The following PDE4D variants were observed in gnomAD, a reference collection of about 807,000 sequenced individuals.
PDE4D encodes the protein phosphodiesterase 4D, also known as 3',5'-cyclic-AMP phosphodiesterase 4D.
Under a neutral mutation model 87.4 loss-of-function variants are expected in PDE4D, and 24 were observed. The ratio of observed to expected loss-of-function variants is 0.27; its 90% CI spans 0.20 to 0.39. PDE4D has a LOEUF of 0.39. Among genes scored for constraint, PDE4D ranks in the 10% least tolerant of loss-of-function variants. The pLI, the probability that PDE4D is intolerant of heterozygous loss-of-function variation, is 1.00. For synonymous variants in PDE4D, 384 were observed against 383.2 expected (o/e 1.00, Z -0.02); for missense variants, 714 against 1,041.0 (o/e 0.69, Z 4.32).
chr5:59,180,588 T>G lies in PDE4D; in HGVS notation c.808+7A>C. ...CACATGAAGAATAAGCTCCAGATCT[T>G]TCTTACCTGTTATGGTGGCTTTGTT... On this transcript the variant is annotated splice_region_variant and intron_variant, in intron 5 of 14. Coordinates refer to ENST00000340635, the MANE Select transcript of PDE4D (RefSeq NM_001104631.2). The G allele has an allele frequency of 6.2e-7, 1 of 1,612,380 alleles. No individual in the cohort carries two copies. The highest frequency in any genetic ancestry group is 1.1e-5 in the South Asian group (1 of 90,710).
At chr5:60,225,782 A>G (rs1253224840) in intron 1 of PDE4D, among the ~76,000 whole-genome samples, 1 of 152,140 alleles carries the variant, frequency 6.6e-6, no homozygotes, top group African/African-American at 2.4e-5. Flanking sequence ...TCATTTAAAT[A>G]GAATAAAAAT....
intron 5 of PDE4D, among the ~76,000 whole-genome samples, chr5:59,164,664 A>C (rs938329079): frequency 1.3e-5 from 2 of 152,136 alleles, no homozygotes; most frequent in Admixed American, 6.6e-5. Flanking sequence ...TTTTTAAAAA[A>C]ATGATTTAAT....
intron 1 of PDE4D, among the ~76,000 whole-genome samples, chr5:60,270,203 A>ACTGCAAATGTCATGAT (rs748988751): frequency 8.5e-5 from 13 of 152,232 alleles, no homozygotes; most frequent in Non-Finnish European, 1.6e-4. Context: ...AAGAAAGATA[A>ACTGCAAATGTCATGAT]CTGCAAATGT....
intron 1 of PDE4D, among the ~76,000 whole-genome samples, chr5:60,300,056 T>C (rs967677578): frequency 6.6e-6 from 1 of 152,132 alleles, no homozygotes; most frequent in African/African-American, 2.4e-5. Context: ...ACTTTACCAG[T>C]ATCTGTTGTT....
At chr5:59,586,747 C>T in intron 1 of PDE4D, 1 of 985,394 alleles carries the variant, frequency 1.0e-6, no homozygotes, top group South Asian at 4.7e-5. Context: ...TAAGGAAGGA[C>T]TCTGGAATGT....
intron 1 of PDE4D, among the ~76,000 whole-genome samples, chr5:59,772,300 C>T (rs1217890132): frequency 6.6e-6 from 1 of 152,110 alleles, no homozygotes. Flanking sequence ...AAATTAGCTG[C>T]CAGGAACTTG....
intron 1 of PDE4D, among the ~76,000 whole-genome samples, chr5:59,700,437 G>T (rs184425328): frequency 6.6e-6 from 1 of 152,076 alleles, no homozygotes; most frequent in Non-Finnish European, 1.5e-5. Context: ...TGACTTTGCA[G>T]AGATTAAATA....
intron 6 of PDE4D, among the ~76,000 whole-genome samples, chr5:59,037,883 C>A (rs56057207): frequency 0.24 from 36,013 of 151,242 alleles, 5,254 homozygotes; most frequent in Non-Finnish European, 0.33. Flanking sequence ...CATAGATGAA[C>A]TGTAAGATAA....
intron 1 of PDE4D, among the ~76,000 whole-genome samples, chr5:59,815,324 A>T (rs1314212392): frequency 6.6e-6 from 1 of 152,218 alleles, no homozygotes; most frequent in Non-Finnish European, 1.5e-5. Context: ...TCACTTAATC[A>T]GCAGATAGTT....
chr5:59,526,293 A>G (rs964367573), intron 1 of PDE4D, among the ~76,000 whole-genome samples: 2 of 152,224 alleles, frequency 1.3e-5, no homozygotes, highest in African/African-American at 4.8e-5. Flanking sequence ...TTAAGTCCTC[A>G]AATGCCTATG....
intron 2 of PDE4D, among the ~76,000 whole-genome samples, chr5:60,104,564 T>C (rs907833982): frequency 6.6e-6 from 1 of 152,218 alleles, no homozygotes; most frequent in Non-Finnish European, 1.5e-5. Flanking sequence ...CCTCCTCAAG[T>C]GGGTCCCTGA....
chr5:60,374,254 T>G (rs1761259753), intron 1 of PDE4D, among the ~76,000 whole-genome samples: 1 of 152,082 alleles, frequency 6.6e-6, no homozygotes, highest in Non-Finnish European at 1.5e-5. Flanking sequence ...TACATGCCTA[T>G]AAATTCCAAT....
intron 2 of PDE4D, chr5:60,127,643 TA>T: frequency 1.7e-6 from 1 of 591,340 alleles, no homozygotes; most frequent in South Asian, 2.0e-5. Flanking sequence ...TTCATAGTTT[TA>T]AGGGCCACAA....
At chr5:59,344,600 TG>T (rs2153583396) in intron 1 of PDE4D, among the ~76,000 whole-genome samples, 1 of 152,216 alleles carries the variant, frequency 6.6e-6, no homozygotes, top group East Asian at 1.9e-4. Context: ...GGTCTCACTC[TG>T]TAGCACAGGC....
chr5:59,931,674 C>CTGACACTT (rs1755937929), intron 3 of PDE4D, among the ~76,000 whole-genome samples: 1 of 150,752 alleles, frequency 6.6e-6, no homozygotes, highest in South Asian at 2.1e-4. Context: ...CTTCTCTATA[C>CTGACACTT]TGACACTTTT....
At chr5:59,204,208 A>T (rs1748218894) in intron 2 of PDE4D, among the ~76,000 whole-genome samples, 1 of 151,238 alleles carries the variant, frequency 6.6e-6, no homozygotes, top group Non-Finnish European at 1.5e-5. Flanking sequence ...AAAAAAAAAA[A>T]ATCTTTCAAC....
chr5:59,497,928 C>CATCTCTCTAGCTTTAT (rs1196000564), intron 1 of PDE4D, among the ~76,000 whole-genome samples: 14 of 151,984 alleles, frequency 9.2e-5, no homozygotes, highest in Non-Finnish European at 1.6e-4. Flanking sequence ...CTAGAGAAAA[C>CATCTCTCTAGCTTTAT]AGTCATATCA....
At chr5:59,429,404 A>G (rs1354453223) in intron 1 of PDE4D, among the ~76,000 whole-genome samples, 2 of 152,192 alleles carry the variant, frequency 1.3e-5, no homozygotes, top group Non-Finnish European at 2.9e-5. Flanking sequence ...CTGAAGGTTT[A>G]GAAACTTTTT....
At chr5:59,669,478 CATAA>C (rs1315352369) in intron 1 of PDE4D, among the ~76,000 whole-genome samples, 1 of 152,126 alleles carries the variant, frequency 6.6e-6, no homozygotes, top group Non-Finnish European at 1.5e-5. Flanking sequence ...TAAATATTTA[CATAA>C]ATATTGACAG....
Sources: gnomAD v4.1 joint callset for allele counts (sites outside exome capture counted in the v4.1 genomes callset) on GRCh38, gnomAD v4.1.1 for gene constraint, MANE v1.5 for transcripts, NCBI Gene and HGNC (gene_info 2026-07-23, HGNC 2026-07-21) for gene names.